The following PARD3B variants were observed in gnomAD, a reference collection of about 807,000 sequenced individuals.
PARD3B encodes the protein partitioning defective 3 homolog B.
Under a neutral mutation model 130.2 loss-of-function variants are expected in PARD3B, and 103 were observed. The ratio of observed to expected loss-of-function variants is 0.79; its 90% CI spans 0.67 to 0.93. The LOEUF (loss-of-function observed/expected upper bound fraction) is 0.93, where lower values mean the gene tolerates loss of function less well. PARD3B is among the 40% of genes least tolerant of loss of function. PARD3B has a pLI of 0.00. For synonymous variants in PARD3B, 583 were observed against 553.2 expected, an observed-to-expected ratio of 1.05 and a Z score of -0.76; for missense variants, 1,609 against 1,499.2, an observed-to-expected ratio of 1.07 and a Z score of -1.21.
intron 2 of PARD3B, among the ~76,000 whole-genome samples, chr2:204,825,984 C>G (rs184910794): frequency 1.7e-4 from 26 of 152,290 alleles, no homozygotes; most frequent in Admixed American, 5.2e-4. Context: ...CAACCTCCTT[C>G]GTAGACTCAC....
intron 20 of PARD3B, among the ~76,000 whole-genome samples, chr2:205,474,129 G>A (rs1267058795): frequency 1.3e-5 from 2 of 151,582 alleles, no homozygotes; most frequent in East Asian, 3.9e-4. Context: ...GTCCCACTGT[G>A]GTTAGTTCAG....
At chr2:205,535,132 T>C (rs140102603) in intron 21 of PARD3B, among the ~76,000 whole-genome samples, 1 of 152,316 alleles carries the variant, frequency 6.6e-6, no homozygotes, top group East Asian at 1.9e-4. Flanking sequence ...CTTTCTCATG[T>C]TTCCACCAGA....
rs527780528 is a variant in PARD3B at position 205,532,291 on chromosome 2, T to TCTTTGTGTTATGTTTAGTCA, written c.3181-21031_3181-21012dup. ...AAAATATACTTGATATTGTCATGTT[T>TCTTTGTGTTATGTTTAGTCA]CTTTGTGTTATGTTTAGTCACCTAG... On this transcript the variant is annotated intron_variant, in intron 21 of 22. Coordinates refer to ENST00000406610, the MANE Select transcript of PARD3B (RefSeq NM_001302769.2). 2.2e-3 allele frequency among the ~76,000 whole-genome samples: 331 copies of TCTTTGTGTTATGTTTAGTCA among 152,354 alleles called. 2 individuals carry two copies. Among genetic ancestry groups the TCTTTGTGTTATGTTTAGTCA allele is most frequent in the Middle Eastern group, 0.014 (4 of 294 alleles).
intron 22 of PARD3B, among the ~76,000 whole-genome samples, chr2:205,561,383 G>T (rs886961318): frequency 6.6e-6 from 1 of 152,148 alleles, no homozygotes; most frequent in Non-Finnish European, 1.5e-5. Context: ...GAAAAGTTGA[G>T]AATCAGAACA....
intron 2 of PARD3B, among the ~76,000 whole-genome samples, chr2:204,883,455 A>ATATAAAATATATATATATATATTTTTT (rs1377428928): frequency 7.8e-5 from 6 of 77,272 alleles, no homozygotes; most frequent in Admixed American, 1.8e-4. Context: ...ATATATATAT[A>ATATAAAATATATATATATATATTTTTT]TTTTTTTTTT....
rs990361027 is a variant in PARD3B at position 205,352,696 on chromosome 2, C to T, written c.2631-48317C>T. Among the ~76,000 whole-genome samples the T allele has an allele frequency of 6.6e-6, 1 of 152,054 alleles. No homozygotes were observed. The highest frequency in any genetic ancestry group is 1.5e-5 in the Non-Finnish European group (1 of 68,016). ...GTAGTATCAGGCGTCCATAGCCTTG[C>T]GTTTTACTCACCCCTCATGCTTTGC... On this transcript the variant is annotated intron_variant, in intron 18 of 22. Coordinates refer to ENST00000406610, the MANE Select transcript of PARD3B (RefSeq NM_001302769.2). The surrounding 1 kb of genome is among the most constrained non-coding windows in gnomAD (Gnocchi z 5.2).
At position 205,047,583 on chromosome 2, in the gene PARD3B, A is replaced by C. The variant is rs1461063914; in HGVS notation, c.397A>C (p.Thr133Pro). 1.3e-6 allele frequency: 2 copies of C among 1,547,606 alleles called. No homozygotes were observed. Among genetic ancestry groups the C allele is most frequent in the Non-Finnish European group, 1.7e-6 (2 of 1,144,982 alleles). ...EVTPSALKLG[T>P]PLLVRRSSDP... ...TCACCTCTCACTTTGTCTTCCAGGCACTCCACTGCTGGTGAGGAGAAGCAG... is the reference window on the plus strand; with the variant it reads ...TCACCTCTCACTTTGTCTTCCAGGCCCTCCACTGCTGGTGAGGAGAAGCAG... The change falls in exon 4 of 23, where the codon ACT becomes CCT. Residue 133 changes from threonine (T) to proline (P), a missense_variant and splice_region_variant. Coordinates refer to ENST00000406610, the MANE Select transcript of PARD3B (RefSeq NM_001302769.2).
In PARD3B at chr2:204,757,822, A is replaced by G. The variant is rs550432730; in HGVS notation, c.222+71540A>G. Reference sequence around the variant, plus strand: ...TTTGAGAAATACTACTCTTGGCAGAAGAACAGAAATAAGATACATAAAAGA... The same window carrying G: ...TTTGAGAAATACTACTCTTGGCAGAGGAACAGAAATAAGATACATAAAAGA... On this transcript the variant is annotated intron_variant, in intron 2 of 22. Transcript: ENST00000406610. Among the ~76,000 whole-genome samples, 4 of 152,312 alleles carry G rather than the reference A, an allele frequency of 2.6e-5. No homozygotes were observed. The South Asian group carries it at 8.3e-4, about 32-fold the overall frequency.
chr2:204,700,186 T>C (rs763266576), intron 2 of PARD3B, among the ~76,000 whole-genome samples: 1 of 152,150 alleles, frequency 6.6e-6, no homozygotes, highest in Non-Finnish European at 1.5e-5. Context: ...TGTTCCCTGG[T>C]ATCTTAATTC....
At chr2:205,316,263 T>A (rs368274280) in intron 18 of PARD3B, among the ~76,000 whole-genome samples, 6 of 151,982 alleles carry the variant, frequency 3.9e-5, no homozygotes, top group African/African-American at 1.5e-4. Context: ...GAAGGATGAG[T>A]TAACTGGCAA....
chr2:204,764,711 C>CGTGTGTGTGTGT (rs1559126727), intron 2 of PARD3B, among the ~76,000 whole-genome samples: 10 of 41,754 alleles, frequency 2.4e-4, no homozygotes, highest in African/African-American at 8.0e-4. Flanking sequence ...ATCTGGCATG[C>CGTGTGTGTGTGT]ATGCGTGTGT....
At chr2:204,698,471 T>C (rs1235583847) in intron 2 of PARD3B, among the ~76,000 whole-genome samples, 2 of 152,118 alleles carry the variant, frequency 1.3e-5, no homozygotes, top group Admixed American at 1.3e-4. Flanking sequence ...CTAGGCAAGA[T>C]TAACTTGGAA....
intron 1 of PARD3B, among the ~76,000 whole-genome samples, chr2:204,684,456 G>A (rs907304587): frequency 2.0e-5 from 3 of 152,090 alleles, no homozygotes; most frequent in East Asian, 1.9e-4. Context: ...TAATATTTCC[G>A]TCAGAAGTCC....
At chr2:204,748,440 C>T (rs2040333626) in intron 2 of PARD3B, among the ~76,000 whole-genome samples, 1 of 152,022 alleles carries the variant, frequency 6.6e-6, no homozygotes, top group African/African-American at 2.4e-5. Flanking sequence ...CATTTTTCTA[C>T]TCATCTTCCT....
chr2:204,650,509 A>G (rs993389205), intron 1 of PARD3B, among the ~76,000 whole-genome samples: 6 of 152,222 alleles, frequency 3.9e-5, no homozygotes, highest in Non-Finnish European at 8.8e-5. Context: ...AATGCCCATC[A>G]ATAATAGACT....
rs1173356967 is a variant in PARD3B at position 205,440,869 on chromosome 2, G to C, written c.3044+197G>C. On this transcript the variant is annotated intron_variant, in intron 20 of 22. Transcript: ENST00000406610. The surrounding 1 kb of genome is among the most constrained non-coding windows in gnomAD (Gnocchi z 4.2). ...TAAAACAATAGCCAATTGTAAGGTGGCATGAATGAATAGTAGTAGCAGAGT... is the reference window on the plus strand; with the variant it reads ...TAAAACAATAGCCAATTGTAAGGTGCCATGAATGAATAGTAGTAGCAGAGT... Among the ~76,000 whole-genome samples, 4 of 152,192 alleles carry C rather than the reference G, an allele frequency of 2.6e-5. No individual in the cohort carries two copies. The highest frequency in any genetic ancestry group is 6.5e-5 in the Admixed American group (1 of 15,282).
intron 21 of PARD3B, among the ~76,000 whole-genome samples, chr2:205,517,420 T>C (rs1416841141): frequency 2.0e-5 from 3 of 152,200 alleles, no homozygotes; most frequent in Non-Finnish European, 4.4e-5. Flanking sequence ...GGGTCAGTGC[T>C]AATATTACCT....
chr2:204,666,703 A>G (rs1256323865), intron 1 of PARD3B, among the ~76,000 whole-genome samples: 4 of 152,090 alleles, frequency 2.6e-5, no homozygotes, highest in Non-Finnish European at 5.9e-5. Context: ...GTGGGAAACT[A>G]TCACCATTTG....
At chr2:204,743,552 C>T (rs568464926) in intron 2 of PARD3B, among the ~76,000 whole-genome samples, 1 of 152,226 alleles carries the variant, frequency 6.6e-6, no homozygotes, top group East Asian at 1.9e-4. Flanking sequence ...TATTTTATTG[C>T]TTTAATGGCG....
Sources: gnomAD v4.1 joint callset for allele counts (sites outside exome capture counted in the v4.1 genomes callset) on GRCh38, gnomAD v4.1.1 for gene constraint, Gnocchi (gnomAD v3.1) non-coding constraint, MANE v1.5 for transcripts, NCBI Gene and HGNC (gene_info 2026-07-23, HGNC 2026-07-21) for gene names.